The following MPZL3 variants were observed in gnomAD, a reference collection of about 807,000 sequenced individuals.
MPZL3 encodes myelin protein zero-like protein 3.
A neutral mutation model predicts 24.8 loss-of-function variants in MPZL3; 23 were observed. The observed-to-expected ratio is 0.93, with a 90% CI of 0.67 to 1.31. The LOEUF (loss-of-function observed/expected upper bound fraction) is 1.31, where lower values mean the gene tolerates loss of function less well. MPZL3 is among the 40% of genes most tolerant of loss of function. MPZL3 has a pLI of 0.00. For synonymous variants in MPZL3, 99 were observed against 106.5 expected (o/e 0.93, Z 0.44); for missense variants, 277 against 294.9 (o/e 0.94, Z 0.44).
chr11:118,246,621 G>T (rs1949560305), intron 1 of MPZL3, among the ~76,000 whole-genome samples: 4 of 119,572 alleles, frequency 3.3e-5, no homozygotes, highest in South Asian at 5.1e-4. Flanking sequence ...GCATCACTCT[G>T]TTGCTCAGGC....
At chr11:118,236,157 A>T (rs1296167097) in intron 3 of MPZL3, among the ~76,000 whole-genome samples, 1 of 152,224 alleles carries the variant, frequency 6.6e-6, no homozygotes, top group Non-Finnish European at 1.5e-5. Context: ...TTTTTAAGGC[A>T]CTGATTCATA....
chr11:118,245,629 G>C (rs1271209164), intron 1 of MPZL3, among the ~76,000 whole-genome samples: 2 of 152,186 alleles, frequency 1.3e-5, no homozygotes, highest in Non-Finnish European at 2.9e-5. Context: ...GGAGCAGTTG[G>C]TTTAGGGCAA....
At position 118,252,275 on chromosome 11, in the gene MPZL3, G is replaced by T. The variant is rs760462105; in HGVS notation, c.20C>A (p.Ala7Asp). Residue 7 changes from alanine to aspartate, a missense_variant, in exon 1 of 6, where the codon GCT (alanine) becomes GAT (aspartate). Transcript: ENST00000278949. MQQRGAAGSRGCALFPL... is the reference protein window; with the variant it reads MQQRGADGSRGCALFPL... ...GAAGAGAGCGCAGCCACGGCTTCCA[G>T]CTGCTCCTCTCTGCTGCATCCCGGC... The T allele has an allele frequency of 6.2e-7, 1 of 1,614,046 alleles. No individual in the cohort carries two copies. The highest frequency in any genetic ancestry group is 8.5e-7 in the Non-Finnish European group (1 of 1,179,970).
chr11:118,238,823 T>A (rs1354719864), intron 2 of MPZL3, among the ~76,000 whole-genome samples: 1 of 151,616 alleles, frequency 6.6e-6, no homozygotes, highest in African/African-American at 2.4e-5. Flanking sequence ...AAATAATAAG[T>A]GTGTTGAACA....
At chr11:118,247,083 G>A (rs1482750117) in intron 1 of MPZL3, among the ~76,000 whole-genome samples, 2 of 152,116 alleles carry the variant, frequency 1.3e-5, no homozygotes, top group Non-Finnish European at 2.9e-5. Context: ...CCAAGAGAGG[G>A]AGGGAGCAGG....
At chr11:118,240,128 G>T in intron 2 of MPZL3, 83 bp downstream of exon 2, 1 of 1,323,718 alleles carries the variant, frequency 7.6e-7, no homozygotes, top group South Asian at 1.6e-5. Flanking sequence ...AAGATGAGAT[G>T]GCCTCAGGCA....
intron 5 of MPZL3, among the ~76,000 whole-genome samples, chr11:118,231,098 G>A (rs570761013): frequency 6.6e-6 from 1 of 152,246 alleles, no homozygotes; most frequent in Admixed American, 6.5e-5. Flanking sequence ...GCATCTTTCT[G>A]CAATCTTTCT....
chr11:118,249,126 A>G (rs558586519), intron 1 of MPZL3, among the ~76,000 whole-genome samples: 18 of 152,304 alleles, frequency 1.2e-4, no homozygotes, highest in Admixed American at 2.0e-4. Context: ...CACTGCATCC[A>G]TGGATGAACT....
Position 118,243,084 on chromosome 11 carries a change from G to A in MPZL3, c.74-2707C>T, listed in dbSNP as rs929823958. On this transcript the variant is annotated intron_variant, in intron 1 of 5. Coordinates refer to ENST00000278949, the MANE Select transcript of MPZL3 (RefSeq NM_198275.3). ...TTTCAGAAAAAGCTCAGCTCTAGAC[G>A]ACCAGACTAGGCTAGTTGTGAACAA... 9.9e-5 allele frequency among the ~76,000 whole-genome samples: 15 copies of A among 152,156 alleles called. No homozygotes were observed. The East Asian group carries it at 2.7e-3, about 27-fold the overall frequency.
In MPZL3 at chr11:118,227,189, CATAAAACTT is replaced by C. The variant is rs1949281434; in HGVS notation, c.*2696_*2704del. ...TTGTAATAGAATTAAGAGCGTAATG[CATAAAACTT>C]AAAGTCATGTAACCACATGTAAAAA... is the stretch of plus-strand genomic sequence containing the variant. On this transcript the variant is annotated 3_prime_UTR_variant, in exon 6 of 6. Coordinates refer to ENST00000278949, the MANE Select transcript of MPZL3 (RefSeq NM_198275.3). The C allele has an allele frequency of 6.6e-6, 1 of 152,200 alleles. No individual in the cohort carries two copies. The highest frequency in any genetic ancestry group is 2.4e-5 in the African/African-American group (1 of 41,448). 9.4% of individuals were successfully genotyped at this position (152,200 alleles called of 1,614,324 possible). A position where few individuals can be genotyped will look rare whatever the true frequency, so the allele number is the denominator to read the frequency against.
intron 2 of MPZL3, among the ~76,000 whole-genome samples, chr11:118,238,984 T>C (rs1949459482): frequency 6.6e-6 from 1 of 152,182 alleles, no homozygotes; most frequent in African/African-American, 2.4e-5. Context: ...GAAACTCATA[T>C]CCCTTGCAAA....
intron 1 of MPZL3, among the ~76,000 whole-genome samples, chr11:118,245,624 A>G (rs1949549242): frequency 6.6e-6 from 1 of 152,224 alleles, no homozygotes. Flanking sequence ...TCAAGGGAGC[A>G]GTTGGTTTAG....
rs1949380884 is a variant in MPZL3 at position 118,233,511 on chromosome 11, C to T, written c.630G>A (p.Glu210=). Residue 210 remains glutamate, a synonymous_variant, in exon 5 of 6, where the codon GAG becomes GAA. Transcript: ENST00000278949. The stretch of plus-strand genomic sequence containing the variant: ...GCCTCGCCATACACGCCTCTTCCTC[C>T]TCCTGATCAGTGCTGTAAAAAGAGG... ...SIEVSDDTDQ[E]EEEACMARLC... 6.2e-7 allele frequency: 1 copy of T among 1,613,746 alleles called. No homozygotes were observed. Among genetic ancestry groups the T allele is most frequent in the Non-Finnish European group, 8.5e-7 (1 of 1,179,866 alleles).
intron 5 of MPZL3, among the ~76,000 whole-genome samples, chr11:118,231,600 T>C (rs923624513): frequency 2.6e-5 from 4 of 152,182 alleles, no homozygotes; most frequent in African/African-American, 9.6e-5. Flanking sequence ...AAACTTAATA[T>C]GTCCAAACCC....
chr11:118,245,392 G>C (rs187066563), intron 1 of MPZL3, among the ~76,000 whole-genome samples: 1 of 134,230 alleles, frequency 7.4e-6, no homozygotes, highest in Non-Finnish European at 1.6e-5. Context: ...AAATTACTGA[G>C]GAGGCTACTA....
At chr11:118,235,654 A>G in intron 3 of MPZL3, 65 bp from the exon 4 acceptor site, 2 of 1,515,756 alleles carry the variant, frequency 1.3e-6, no homozygotes, top group African/African-American at 1.4e-5. Flanking sequence ...CGACATGAGC[A>G]ACTAGGTTCT....
intron 2 of MPZL3, among the ~76,000 whole-genome samples, chr11:118,239,332 C>A (rs956949333): frequency 2.0e-5 from 3 of 152,192 alleles, no homozygotes; most frequent in Admixed American, 6.5e-5. Flanking sequence ...AGCTATGTGG[C>A]ATTCTATAAT....
In MPZL3 at chr11:118,252,314, C is replaced by T. The variant is rs1276102241; in HGVS notation, c.-20G>A. ...CTGCATCCCGGCAGCTCTTCAGATG[C>T]TTGCACACCTTGTTTACAGCTCCCG... On this transcript the variant is annotated 5_prime_UTR_variant, in exon 1 of 6. Transcript: ENST00000278949. The T allele has an allele frequency of 5.0e-6, 8 of 1,611,956 alleles. No individual in the cohort carries two copies. Among genetic ancestry groups the T allele is most frequent in the African/African-American group, 1.3e-5 (1 of 74,914 alleles).
In MPZL3 at chr11:118,235,419, C is replaced by T. The variant is rs778291857; in HGVS notation, c.617+5G>A. On this transcript the variant is annotated splice_donor_5th_base_variant and intron_variant, in intron 4 of 5. Transcript: ENST00000278949. Reference sequence around the variant, plus strand: ...CTTGCTGCCCAGGGCTCCTGCTGGACTTACTCATCGGAAACCTCAATAGAT... The same window carrying T: ...CTTGCTGCCCAGGGCTCCTGCTGGATTTACTCATCGGAAACCTCAATAGAT... 1 of 1,613,122 alleles carries T rather than the reference C, an allele frequency of 6.2e-7. No homozygotes were observed. Among genetic ancestry groups the T allele is most frequent in the Non-Finnish European group, 8.5e-7 (1 of 1,179,610 alleles).
Sources: allele counts gnomAD v4.1 joint callset (sites outside exome capture counted in the v4.1 genomes callset), GRCh38; gene constraint gnomAD v4.1.1; transcripts MANE v1.5; gene names NCBI Gene and HGNC (gene_info 2026-07-23, HGNC 2026-07-21).